Variants in LRMDA observed in about 807,000 individuals in gnomAD.
LRMDA encodes leucine rich melanocyte differentiation associated.
Under a neutral mutation model 29.8 loss-of-function variants are expected in LRMDA, and 18 were observed. That is an observed-to-expected ratio of 0.60 (90% CI 0.42 to 0.90). The LOEUF is 0.90. LRMDA is among the 40% of genes least tolerant of loss of function. The pLI is 0.00. For missense variants in LRMDA, 273 were observed against 273.9 expected (o/e 1.00, Z 0.02); for synonymous variants, 125 against 109.4 (o/e 1.14, Z -0.89).
intron 5 of LRMDA, among the ~76,000 whole-genome samples, chr10:76,279,151 C>T (rs1468694479): frequency 6.6e-6 from 1 of 152,100 alleles, no homozygotes; most frequent in African/African-American, 2.4e-5. Context: ...GAATTGCTGA[C>T]CAAATACAGT....
In LRMDA at chr10:76,118,840, C is replaced by CTTT. The variant is rs962279433; in HGVS notation, c.516+60080_516+60082dup. 5.2e-3 allele frequency among the ~76,000 whole-genome samples: 240 copies of CTTT among 45,958 alleles called. 1 individual carries two copies. Among genetic ancestry groups the CTTT allele is most frequent in the African/African-American group, 5.9e-3 (75 of 12,762 alleles). The allele number at this position is 45,958 out of a possible 152,430, so 30.2% of individuals were successfully genotyped here. A position where few individuals can be genotyped will look rare whatever the true frequency, so the allele number is the denominator to read the frequency against. On this transcript the variant is annotated intron_variant, in intron 5 of 6. Transcript: ENST00000611255. ...AGAAAAATCAGCCTGTGCAAATACA[C>CTTT]TTTTTTTTTTTTTTTTTTTTTTTTT...
At chr10:75,529,457 A>T (rs2115911) in intron 2 of LRMDA, among the ~76,000 whole-genome samples, 74,437 of 152,050 alleles carry the variant, frequency 0.49, 20,752 homozygotes, top group African/African-American at 0.78. Context: ...CTGGAGGAGG[A>T]GTTCAGTGAA....
chr10:75,639,686 C>T (rs1415310293), intron 2 of LRMDA, among the ~76,000 whole-genome samples: 1 of 152,110 alleles, frequency 6.6e-6, no homozygotes, highest in Non-Finnish European at 1.5e-5. Context: ...TTAACAGGGA[C>T]CCCGGCTTGG....
intron 6 of LRMDA, among the ~76,000 whole-genome samples, chr10:76,338,666 A>G (rs1269952432): frequency 1.3e-5 from 2 of 151,984 alleles, no homozygotes; most frequent in Non-Finnish European, 1.5e-5. Context: ...ATGAGAATGA[A>G]CTAGACTAAA....
At chr10:75,710,027 G>A (rs1409414958) in intron 2 of LRMDA, among the ~76,000 whole-genome samples, 1 of 152,208 alleles carries the variant, frequency 6.6e-6, no homozygotes. Flanking sequence ...GTGCAGGTTG[G>A]TGTTGTCAGC....
intron 5 of LRMDA, among the ~76,000 whole-genome samples, chr10:76,182,244 G>A (rs1322703092): frequency 2.6e-5 from 4 of 152,094 alleles, no homozygotes; most frequent in Admixed American, 2.0e-4. Context: ...GAGAGAGTGA[G>A]GGAAAGTGCC....
At chr10:76,179,526 T>A (rs932153612) in intron 5 of LRMDA, among the ~76,000 whole-genome samples, 2 of 152,194 alleles carry the variant, frequency 1.3e-5, no homozygotes, top group Non-Finnish European at 2.9e-5. Context: ...CGGGAGCTTA[T>A]GACGATGTTT....
chr10:76,161,548 A>G (rs1269828520), intron 5 of LRMDA, among the ~76,000 whole-genome samples: 1 of 152,220 alleles, frequency 6.6e-6, no homozygotes, highest in Non-Finnish European at 1.5e-5. Flanking sequence ...GTTTGGAGTC[A>G]TCTTGGCAAA....
chr10:76,519,309 A>G (rs1843095673), intron 6 of LRMDA, among the ~76,000 whole-genome samples: 1 of 152,234 alleles, frequency 6.6e-6, no homozygotes, highest in Admixed American at 6.5e-5. Flanking sequence ...TTCATTTATA[A>G]TGAAAATCTG....
chr10:76,126,962 T>A (rs1355277884), intron 5 of LRMDA, among the ~76,000 whole-genome samples: 1 of 152,208 alleles, frequency 6.6e-6, no homozygotes, highest in Non-Finnish European at 1.5e-5. Context: ...GGCTGAATGT[T>A]TCCCTGAAAT....
At chr10:76,495,456 AC>A (rs2132339329) in intron 6 of LRMDA, among the ~76,000 whole-genome samples, 1 of 151,750 alleles carries the variant, frequency 6.6e-6, no homozygotes, top group East Asian at 1.9e-4. Context: ...GATTTCTCCC[AC>A]TTTATTCTTC....
chr10:76,503,418 T>C (rs373229712), intron 6 of LRMDA, among the ~76,000 whole-genome samples: 5 of 151,898 alleles, frequency 3.3e-5, no homozygotes, highest in African/African-American at 9.6e-5. Context: ...TCTTTGCATG[T>C]CTGGTAAAAT....
In LRMDA at chr10:75,943,954, G is replaced by T. The variant is rs184826550; in HGVS notation, c.132-92054G>T. 1.0e-3 allele frequency among the ~76,000 whole-genome samples: 155 copies of T among 152,262 alleles called. 2 individuals carry two copies. Among genetic ancestry groups the T allele is most frequent in the Admixed American group, 9.7e-3 (149 of 15,292 alleles). ...CTTAAATCGCTATATATCTTTGAAA[G>T]AAATTGAAAGAAGTGAGCTTTACAT... On this transcript the variant is annotated intron_variant, in intron 2 of 6. Transcript: ENST00000611255.
intron 2 of LRMDA, among the ~76,000 whole-genome samples, chr10:75,908,379 C>G (rs1231915917): frequency 6.6e-6 from 1 of 152,080 alleles, no homozygotes; most frequent in African/African-American, 2.4e-5. Context: ...CTAGGCTGAC[C>G]CATATATTAG....
At chr10:76,076,448 T>C (rs1452087985) in intron 5 of LRMDA, among the ~76,000 whole-genome samples, 1 of 152,004 alleles carries the variant, frequency 6.6e-6, no homozygotes, top group Non-Finnish European at 1.5e-5. Flanking sequence ...TATTTTGTAA[T>C]TATTTTCATG....
chr10:76,064,699 C>T (rs951799051), intron 5 of LRMDA, among the ~76,000 whole-genome samples: 20 of 152,160 alleles, frequency 1.3e-4, no homozygotes, highest in Non-Finnish European at 2.5e-4. Context: ...AGGTTTATTA[C>T]AATTACTGTC....
At chr10:75,862,379 T>A (rs932177180) in intron 2 of LRMDA, among the ~76,000 whole-genome samples, 1 of 152,140 alleles carries the variant, frequency 6.6e-6, no homozygotes, top group Middle Eastern at 3.2e-3. Context: ...GTCCATTTCA[T>A]TAAGAAAAAG....
intron 2 of LRMDA, among the ~76,000 whole-genome samples, chr10:75,967,846 CTTTCCCCACATCAGTGGAGACAG>C (rs1238824194): frequency 6.6e-6 from 1 of 152,104 alleles, no homozygotes; most frequent in East Asian, 1.9e-4. Context: ...CGAGTTAACC[CTTTCCCCACATCAGTGGAGACAG>C]GGCCCCGTGA....
chr10:75,652,207 A>C (rs1421927449), intron 2 of LRMDA, among the ~76,000 whole-genome samples: 1 of 152,236 alleles, frequency 6.6e-6, no homozygotes, highest in Admixed American at 6.5e-5. Context: ...CTGACAAAGC[A>C]AGTCCGACAT....
Sources: gnomAD v4.1 joint callset for allele counts (sites outside exome capture counted in the v4.1 genomes callset) on GRCh38, gnomAD v4.1.1 for gene constraint, MANE v1.5 for transcripts, NCBI Gene and HGNC (gene_info 2026-07-23, HGNC 2026-07-21) for gene names.